Variants in IRAK1BP1 observed in about 807,000 individuals in gnomAD.
The protein encoded by IRAK1BP1 is interleukin 1 receptor associated kinase 1 binding protein 1, also known as interleukin-1 receptor-associated kinase 1-binding protein 1.
Under a neutral mutation model 28.0 loss-of-function variants are expected in IRAK1BP1, and 24 were observed. That is an observed-to-expected ratio of 0.86 (90% CI 0.62 to 1.20). IRAK1BP1 has a LOEUF of 1.20. Among genes scored for constraint, IRAK1BP1 ranks in the 50% most tolerant of loss-of-function variants. IRAK1BP1 has a pLI of 0.00. For synonymous variants in IRAK1BP1, 131 were observed against 116.3 expected (o/e 1.13, Z -0.81); for missense variants, 336 against 316.7 (o/e 1.06, Z -0.46).
At chr6:78,962,950 C>T in the IRAK1BP1 span, 2 of 634,084 alleles carry the variant, frequency 3.2e-6, no homozygotes, top group East Asian at 2.8e-5. Flanking sequence ...GTGTTAAGAC[C>T]ACATTCAAAA....
At chr6:78,958,415 G>A in the IRAK1BP1 span, 1 of 1,053,602 alleles carries the variant, frequency 9.5e-7, no homozygotes, top group East Asian at 2.5e-5. Flanking sequence ...TATTTTAAGA[G>A]GAACTGTAGT....
exon 5 of IRAK1BP1, chr6:78,945,999 A>C: frequency 6.3e-7 from 1 of 1,598,258 alleles, no homozygotes; most frequent in Non-Finnish European, 8.6e-7. Context: ...AGTGAGTCTT[A>C]CTTGTTTTCC....
chr6:78,912,921 T>C (rs2127662365), intron 4 of IRAK1BP1, among the ~76,000 whole-genome samples: 1 of 152,340 alleles, frequency 6.6e-6, no homozygotes, highest in South Asian at 2.1e-4. Flanking sequence ...TTATTAAATT[T>C]ATTACATAAA....
the IRAK1BP1 span, chr6:78,970,842 C>T: frequency 5.0e-5 from 81 of 1,610,662 alleles, no homozygotes; most frequent in Non-Finnish European, 3.5e-5. Context: ...TTTATTTTTC[C>T]GGGCCATTTC....
intron 1 of IRAK1BP1, among the ~76,000 whole-genome samples, chr6:78,872,620 G>A (rs1581988270): frequency 6.6e-6 from 1 of 152,294 alleles, no homozygotes; most frequent in East Asian, 1.9e-4. Flanking sequence ...TGAGTGTCAT[G>A]TTGGCACTCA....
At chr6:78,910,067 G>C (rs925096081) in intron 4 of IRAK1BP1, among the ~76,000 whole-genome samples, 1 of 152,112 alleles carries the variant, frequency 6.6e-6, no homozygotes, top group African/African-American at 2.4e-5. Flanking sequence ...TAATACTAAC[G>C]ATGACCCTTC....
the IRAK1BP1 span, chr6:78,955,933 G>A: frequency 4.0e-6 from 1 of 250,342 alleles, no homozygotes; most frequent in African/African-American, 2.2e-5. Context: ...CTTTGCTTAG[G>A]TATCTGCTGT....
In IRAK1BP1 at chr6:78,888,152, TATC is replaced by T. The variant is rs546106155; in HGVS notation, c.381+2712_381+2714del. On this transcript the variant is annotated intron_variant, in intron 2 of 3. Coordinates refer to ENST00000369940, the MANE Select transcript of IRAK1BP1 (RefSeq NM_001010844.4). ...TTACATGAGGAGTCTAAAATAATCA[TATC>T]ATAGAAGCAAAAAATAGAAGCTGGT... Among the ~76,000 whole-genome samples, 8 of 152,270 alleles carry T rather than the reference TATC, an allele frequency of 5.3e-5. No individual in the cohort carries two copies. The South Asian group carries it at 1.7e-3, about 32-fold the overall frequency.
the IRAK1BP1 span, chr6:78,956,522 C>T: frequency 1.3e-5 from 2 of 152,230 alleles, no homozygotes; most frequent in African/African-American, 4.8e-5. Context: ...TGTTAATATA[C>T]TTTCAACAGC....
At chr6:78,946,284 G>A in exon 5 of IRAK1BP1, 1 of 1,600,980 alleles carries the variant, frequency 6.2e-7, no homozygotes. Flanking sequence ...AGTATTGTCA[G>A]TCACTCTTAT....
At chr6:78,962,999 G>A in the IRAK1BP1 span, 15 of 1,013,304 alleles carry the variant, frequency 1.5e-5, no homozygotes, top group Non-Finnish European at 1.6e-5. Context: ...ACTGACTTAG[G>A]ATATTGTGAA....
At chr6:78,933,047 A>G (rs971273879) in intron 4 of IRAK1BP1, among the ~76,000 whole-genome samples, 3 of 152,074 alleles carry the variant, frequency 2.0e-5, no homozygotes, top group Admixed American at 6.5e-5. Context: ...ATAATTCTTA[A>G]GGGCCCTAGA....
intron 1 of IRAK1BP1, among the ~76,000 whole-genome samples, chr6:78,868,183 T>C (rs901459869): frequency 6.6e-6 from 1 of 152,268 alleles, no homozygotes; most frequent in African/African-American, 2.4e-5. Context: ...TGTTTTTAAA[T>C]TTAAAGTGAT....
chr6:78,904,955 C>T (rs1332598430), downstream of IRAK1BP1, among the ~76,000 whole-genome samples: 5 of 152,100 alleles, frequency 3.3e-5, no homozygotes, highest in Admixed American at 2.6e-4. Context: ...AGATTCATGT[C>T]GTCCACAAAG....
At chr6:78,916,326 CA>C (rs1772558181) in intron 4 of IRAK1BP1, among the ~76,000 whole-genome samples, 1 of 151,864 alleles carries the variant, frequency 6.6e-6, no homozygotes, top group Non-Finnish European at 1.5e-5. Context: ...ATGTGTAGTG[CA>C]AGAAGGTCCT....
intron 1 of IRAK1BP1, among the ~76,000 whole-genome samples, chr6:78,882,424 C>T (rs1341130566): frequency 6.6e-6 from 1 of 152,100 alleles, no homozygotes; most frequent in Non-Finnish European, 1.5e-5. Context: ...AGTAACTTTA[C>T]AGTGGAGGAA....
chr6:78,966,188 CA>C, the IRAK1BP1 span: 4 of 604,128 alleles, frequency 6.6e-6, no homozygotes, highest in Non-Finnish European at 1.2e-5. Flanking sequence ...CCACAAACTC[CA>C]AAAATAAGTA....
At chr6:78,924,889 T>C (rs927268120) in intron 4 of IRAK1BP1, among the ~76,000 whole-genome samples, 2 of 152,196 alleles carry the variant, frequency 1.3e-5, no homozygotes, top group Non-Finnish European at 2.9e-5. Flanking sequence ...TGCGGCACTA[T>C]TCACAATAGC....
rs1372803797 is a variant in IRAK1BP1 at position 78,903,066 on chromosome 6, T to C, written c.*4732T>C. Reference sequence around the variant, plus strand: ...TAGCCATGTCACCTGTGAATTATCATGAATCCCACATCAAATGAACAAATA... The same window carrying C: ...TAGCCATGTCACCTGTGAATTATCACGAATCCCACATCAAATGAACAAATA... On this transcript the variant is annotated 3_prime_UTR_variant, in exon 4 of 4. Coordinates refer to ENST00000369940, the MANE Select transcript of IRAK1BP1 (RefSeq NM_001010844.4). The C allele has an allele frequency of 3.9e-6, 6 of 1,532,160 alleles. No individual in the cohort carries two copies. The highest frequency in any genetic ancestry group is 3.6e-5 in the South Asian group (3 of 83,934). The allele number at this position is 1,532,160 out of a possible 1,614,324, so 94.9% of individuals were successfully genotyped here.
Sources: gnomAD v4.1 joint callset for allele counts (sites outside exome capture counted in the v4.1 genomes callset) on GRCh38, gnomAD v4.1.1 for gene constraint, MANE v1.5 for transcripts, NCBI Gene and HGNC (gene_info 2026-07-23, HGNC 2026-07-21) for gene names.